Variants in PYGL observed in about 807,000 individuals in gnomAD.
PYGL encodes glycogen phosphorylase, liver form.
Under a neutral mutation model 100.1 loss-of-function variants are expected in PYGL, and 90 were observed. The observed-to-expected ratio is 0.90, with a 90% CI of 0.76 to 1.07. The LOEUF is 1.07. PYGL is among the 50% of genes least tolerant of loss of function. PYGL has a pLI of 0.00. For missense variants in PYGL, 1,016 were observed against 1,057.6 expected (o/e 0.96, Z 0.55); for synonymous variants, 373 against 393.0 (o/e 0.95, Z 0.60).
At chr14:50,941,616 C>T (rs1359159603) in intron 1 of PYGL, among the ~76,000 whole-genome samples, 2 of 152,194 alleles carry the variant, frequency 1.3e-5, no homozygotes, top group African/African-American at 2.4e-5. Flanking sequence ...CGTGGTGGCT[C>T]ATGCCTGTAA....
chr14:50,911,782 GC>G lies in PYGL; in HGVS notation c.1916del (p.Ser639ThrfsTer3). 6.2e-7 allele frequency: 1 copy of G among 1,614,128 alleles called. No individual in the cohort carries two copies. The highest frequency in any genetic ancestry group is 1.6e-4 in the Middle Eastern group (1 of 6,062). On this transcript the variant is annotated frameshift_variant, in exon 16 of 20. Coordinates refer to ENST00000216392, the MANE Select transcript of PYGL (RefSeq NM_002863.5). LOFTEE classifies it high-confidence loss of function. ...TCTCCAAGAAGATGACTTTCAACTT[GC>G]TTCCAACCATAGGGTCATTGTTCAC... The part of the protein sequence containing the change: ...DVVNNDPMVG[S>X]KLKVIFLENY...
rs1478991792 is a variant in PYGL at position 50,908,933 on chromosome 14, C to T, written c.2200G>A (p.Glu734Lys). ...KKGYEAKEYYEALPELKLVID... is the reference protein window; with the variant it reads ...KKGYEAKEYYKALPELKLVID... The stretch of plus-strand genomic sequence containing the variant: ...ACCAGCTTCAGCTCTGGAAGTGCCT[C>T]ATAGTATTCTTTTGCCTCGTACCTG... Residue 734 changes from glutamate (E) to lysine (K), a missense_variant, in exon 18 of 20, where the codon GAG becomes AAG. By Grantham distance (56) the Glu-to-Lys change is moderately conservative. Coordinates refer to ENST00000216392, the MANE Select transcript of PYGL (RefSeq NM_002863.5). 2.4e-6 allele frequency: 3 copies of T among 1,275,152 alleles called. No individual in the cohort carries two copies. The highest frequency in any genetic ancestry group is 3.3e-6 in the Non-Finnish European group (3 of 918,386). The allele number at this position is 1,275,152 out of a possible 1,614,324, so 79.0% of individuals were successfully genotyped here.
rs1385877123 is a variant in PYGL at position 50,914,773 on chromosome 14, A to G, written c.1446T>C (p.Asn482=). Residue 482 remains asparagine (N), a synonymous_variant, in exon 12 of 20, where the codon AAT becomes AAC. Coordinates refer to ENST00000216392, the MANE Select transcript of PYGL (RefSeq NM_002863.5). ...GCCTTGGAGTGATCCCATTGGTTTT[A>G]TTCTGAAACTTGTCAGGTTCTAGCT... is the stretch of plus-strand genomic sequence containing the variant. ...FSELEPDKFQ[N]KTNGITPRRW... is the part of the protein sequence containing the mutation. 3 of 1,614,008 alleles carry G rather than the reference A, an allele frequency of 1.9e-6. No individual in the cohort carries two copies. The South Asian group carries it at 3.3e-5, about 18-fold the overall frequency.
rs750336848 is a variant in PYGL at position 50,912,320 on chromosome 14, T to C, written c.1621-17A>G. On this transcript the variant is annotated splice_polypyrimidine_tract_variant and intron_variant, in intron 13 of 19. Transcript: ENST00000216392. ...CTTATTCTCCTGTTAAGACAGTGCA[T>C]GGTGCCAGAGCTCTTTTGGCCTAGA... 55 of 1,613,122 alleles carry C rather than the reference T, an allele frequency of 3.4e-5. No individual in the cohort carries two copies. The highest frequency in any genetic ancestry group is 4.0e-5 in the African/African-American group (3 of 74,944).
At chr14:50,912,976 G>A (rs1002788047) in intron 13 of PYGL, 53 bp downstream of exon 13, 18 of 1,525,820 alleles carry the variant, frequency 1.2e-5, no homozygotes, top group Non-Finnish European at 1.5e-5. Context: ...AAAACTACAG[G>A]ATAAACTCTC....
chr14:50,917,132 A>G (rs2050460885), intron 7 of PYGL, 27 bp from the exon 8 acceptor site: 1 of 1,610,866 alleles, frequency 6.2e-7, no homozygotes, highest in African/African-American at 1.3e-5. Flanking sequence ...TAGAATAAAA[A>G]TGGTTCATAT....
At position 50,908,935 on chromosome 14, in the gene PYGL, T is replaced by C. The variant is rs753084823; in HGVS notation, c.2198A>G (p.Tyr733Cys). 1.9e-6 allele frequency: 3 copies of C among 1,606,956 alleles called. No homozygotes were observed. Among genetic ancestry groups the C allele is most frequent in the Admixed American group, 1.7e-5 (1 of 59,860 alleles). Residue 733 changes from tyrosine to cysteine, a missense_variant, in exon 18 of 20, where the codon TAT (tyrosine) becomes TGT (cysteine). Physicochemically the swap from Tyr to Cys is radical, Grantham distance 194. Transcript: ENST00000216392. ...DKKGYEAKEYYEALPELKLVI... is the reference protein window; with the variant it reads ...DKKGYEAKEYCEALPELKLVI... ...CAGCTTCAGCTCTGGAAGTGCCTCA[T>C]AGTATTCTTTTGCCTCGTACCTGTG...
In PYGL at chr14:50,921,227, G is replaced by A. The variant is rs553468681; in HGVS notation, c.661-160C>T. On this transcript the variant is annotated intron_variant, in intron 5 of 19. Transcript: ENST00000216392. ...GAGAAGAGGGTCTCAGGGCTGCAGA[G>A]GGTATTAGAGGAACATGTGGTTCCT... is the stretch of plus-strand genomic sequence containing the variant. The A allele has an allele frequency of 5.5e-4, 338 of 618,778 alleles. 9 individuals carry two copies. The highest frequency in any genetic ancestry group is 4.8e-3 in the South Asian group (256 of 53,182). 38.3% of individuals were successfully genotyped at this position (618,778 alleles called of 1,614,324 possible). A position where few individuals can be genotyped will look rare whatever the true frequency, so the allele number is the denominator to read the frequency against.
At chr14:50,920,862 CT>C in intron 6 of PYGL, 93 bp downstream of exon 6, 4 of 1,319,284 alleles carry the variant, frequency 3.0e-6, no homozygotes, top group African/African-American at 1.5e-5. Context: ...AAACTCAAGG[CT>C]TTTTTGTTTG....
At chr14:50,930,928 TA>T (rs1555327906) in intron 4 of PYGL, among the ~76,000 whole-genome samples, 18 of 132,088 alleles carry the variant, frequency 1.4e-4, no homozygotes, top group African/African-American at 2.9e-4. Context: ...TTACCAGAGA[TA>T]AAAAAAAAAT....
chr14:50,912,316 T>C lies in PYGL; in HGVS notation c.1621-13A>G, dbSNP rs760458625. ...TCAGCTTATTCTCCTGTTAAGACAG[T>C]GCATGGTGCCAGAGCTCTTTTGGCC... On this transcript the variant is annotated splice_polypyrimidine_tract_variant and intron_variant, in intron 13 of 19. Transcript: ENST00000216392. The C allele has an allele frequency of 6.2e-7, 1 of 1,613,508 alleles. No homozygotes were observed. The highest frequency in any genetic ancestry group is 1.3e-5 in the African/African-American group (1 of 75,058).
chr14:50,918,587 A>G (rs180698994), intron 7 of PYGL, among the ~76,000 whole-genome samples: 1 of 152,254 alleles, frequency 6.6e-6, no homozygotes, highest in Admixed American at 6.5e-5. Flanking sequence ...GGAAAACCGA[A>G]TATCGTGTGT....
Position 50,905,562 on chromosome 14 carries a change from A to G in PYGL, c.2380-6T>C, listed in dbSNP as rs767794041. 1 of 1,613,936 alleles carries G rather than the reference A, an allele frequency of 6.2e-7. No homozygotes were observed. Among genetic ancestry groups the G allele is most frequent in the South Asian group, 1.1e-5 (1 of 91,082 alleles). On this transcript the variant is annotated splice_region_variant and splice_polypyrimidine_tract_variant and intron_variant, in intron 19 of 19. Coordinates refer to ENST00000216392, the MANE Select transcript of PYGL (RefSeq NM_002863.5). ...GTGTTCCAGGCCTTTGGATTCTGTA[A>G]ACAACATATGCATATACAGCCCAGA...
chr14:50,926,371 A>G (rs1255218974), intron 4 of PYGL, among the ~76,000 whole-genome samples: 5 of 151,970 alleles, frequency 3.3e-5, no homozygotes, highest in Non-Finnish European at 1.5e-5. Flanking sequence ...GTAAAATAAA[A>G]TAAAATAAAA....
chr14:50,908,273 T>C lies in PYGL; in HGVS notation c.2377A>G (p.Met793Val). Residue 793 changes from methionine (M) to valine (V), a missense_variant and splice_region_variant, in exon 19 of 20, where the codon ATG becomes GTG. Transcript: ENST00000216392. ...ATAAATCTTGGCAATTTACTCACCA[T>C]GTACAGCTGACTCACTTTATCTTGA... ...KCQDKVSQLY[M>V]NPKAWNTMVL... is the part of the protein sequence containing the mutation. 1.3e-6 allele frequency: 2 copies of C among 1,584,818 alleles called. No individual in the cohort carries two copies. The highest frequency in any genetic ancestry group is 2.2e-5 in the East Asian group (1 of 44,710).
chr14:50,914,583 C>T, intron 12 of PYGL, 118 bp downstream of exon 12: 1 of 790,310 alleles, frequency 1.3e-6, no homozygotes, highest in South Asian at 1.4e-5. Flanking sequence ...TGTGACTGCA[C>T]AAACCACATG....
intron 17 of PYGL, among the ~76,000 whole-genome samples, chr14:50,909,382 A>G (rs1045056422): frequency 2.0e-5 from 3 of 152,226 alleles, no homozygotes; most frequent in African/African-American, 7.2e-5. Flanking sequence ...AACATCCTCC[A>G]AATGTTACTT....
intron 7 of PYGL, among the ~76,000 whole-genome samples, chr14:50,920,109 C>T (rs1435655583): frequency 6.6e-6 from 1 of 152,110 alleles, no homozygotes; most frequent in Admixed American, 6.6e-5. Flanking sequence ...CCCAGGGTCT[C>T]TAACTCCATC....
intron 4 of PYGL, among the ~76,000 whole-genome samples, chr14:50,930,535 C>T (rs1765464931): frequency 6.6e-6 from 1 of 152,188 alleles, no homozygotes; most frequent in African/African-American, 2.4e-5. Context: ...CACTCTATCC[C>T]TAATATTCTC....
Sources: allele counts gnomAD v4.1 joint callset (sites outside exome capture counted in the v4.1 genomes callset), GRCh38; gene constraint gnomAD v4.1.1; transcripts MANE v1.5; gene names NCBI Gene and HGNC (gene_info 2026-07-23, HGNC 2026-07-21).